The following C10orf88 variants were observed in gnomAD, a reference collection of about 807,000 sequenced individuals.
The protein encoded by C10orf88 is ATPase PAAT.
A neutral mutation model predicts 34.2 loss-of-function variants in C10orf88; 29 were observed. That is an observed-to-expected ratio of 0.85 (90% CI 0.63 to 1.16). The LOEUF (loss-of-function observed/expected upper bound fraction) is 1.16, where lower values mean the gene tolerates loss of function less well. Among genes scored for constraint, C10orf88 ranks in the 50% most tolerant of loss-of-function variants. The pLI is 0.00. For missense variants in C10orf88, 507 were observed against 533.2 expected (o/e 0.95, Z 0.48); for synonymous variants, 194 against 197.4 (o/e 0.98, Z 0.15).
intron 3 of C10orf88, among the ~76,000 whole-genome samples, chr10:122,949,144 A>G (rs1848667151): frequency 6.6e-6 from 1 of 152,190 alleles, no homozygotes; most frequent in Non-Finnish European, 1.5e-5. Context: ...ACTAAAAATA[A>G]ACTATAGTAG....
chr10:122,943,973 C>T (rs1242097898), intron 4 of C10orf88, among the ~76,000 whole-genome samples: 8 of 151,674 alleles, frequency 5.3e-5, no homozygotes. Context: ...GTGGCGATTC[C>T]TCAGGGATCT....
intron 4 of C10orf88, among the ~76,000 whole-genome samples, chr10:122,943,185 A>G (rs1248720673): frequency 1.1e-4 from 16 of 143,564 alleles, no homozygotes; most frequent in Non-Finnish European, 2.3e-4. Context: ...GATATAGATC[A>G]ATGGAACAGA....
In C10orf88 at chr10:122,947,299, CACA is replaced by C. The variant is rs144325249; in HGVS notation, c.648+1347_648+1349del. Among the ~76,000 whole-genome samples the C allele has an allele frequency of 4.4e-3, 671 of 152,244 alleles. 11 individuals are homozygous for C. The highest frequency in any genetic ancestry group is 0.015 in the African/African-American group (616 of 41,514). Reference sequence around the variant, plus strand: ...GTACTACATTAATATTTGTGAACCACACAACATCTACAAGGAGTTCTTTACTTG... The same window carrying C: ...GTACTACATTAATATTTGTGAACCACACATCTACAAGGAGTTCTTTACTTG... On this transcript the variant is annotated intron_variant, in intron 4 of 5. Transcript: ENST00000481909.
intron 4 of C10orf88, among the ~76,000 whole-genome samples, chr10:122,941,457 C>G (rs144630673): frequency 6.6e-6 from 1 of 152,214 alleles, no homozygotes; most frequent in East Asian, 1.9e-4. Context: ...AGAGAGAAGC[C>G]AAAACTTCTG....
chr10:122,932,672 A>G lies in C10orf88; in HGVS notation c.1104-11T>C. The stretch of plus-strand genomic sequence containing the variant: ...GATTGCTCTTCCATTCTAAAAATAC[A>G]TTTTTAAAAATGTGTAAATTTTCCC... On this transcript the variant is annotated splice_polypyrimidine_tract_variant and intron_variant, in intron 5 of 5. Coordinates refer to ENST00000481909, the MANE Select transcript of C10orf88 (RefSeq NM_024942.4). 6.4e-7 allele frequency: 1 copy of G among 1,550,548 alleles called. No individual in the cohort carries two copies. Among genetic ancestry groups the G allele is most frequent in the South Asian group, 1.2e-5 (1 of 86,196 alleles).
Position 122,948,739 on chromosome 10 carries a change from A to G in C10orf88, c.558T>C (p.Leu186=). ...ACTCCATTATGGTTTGGACCTTGTC[A>G]AGGTCTATCCTTGATCCTAGAGCAG... is the stretch of plus-strand genomic sequence containing the variant. The part of the protein sequence containing the change: ...SSPALGSRID[L]DKVQTIMESM... The change falls in exon 4 of 6, where the codon CTT becomes CTC. Residue 186 remains leucine, a synonymous_variant. Coordinates refer to ENST00000481909, the MANE Select transcript of C10orf88 (RefSeq NM_024942.4). The G allele has an allele frequency of 6.2e-7, 1 of 1,614,012 alleles. No homozygotes were observed. The highest frequency in any genetic ancestry group is 8.5e-7 in the Non-Finnish European group (1 of 1,179,906).
chr10:122,948,769 G>A lies in C10orf88; in HGVS notation c.528C>T (p.Ser176=), dbSNP rs1248068752. 3 of 1,613,932 alleles carry A rather than the reference G, an allele frequency of 1.9e-6. No individual in the cohort carries two copies. In the East Asian group the frequency reaches 6.7e-5, roughly 36 times the overall value. ...MRSVFANSST[S]SPALGSRIDL... ...CTATCCTTGATCCTAGAGCAGGAGA[G>A]CTTGTTGAAGAATTTGCAAAAACTG... Residue 176 remains serine (S), a synonymous_variant, in exon 4 of 6, where the codon AGC becomes AGT. Transcript: ENST00000481909.
chr10:122,949,161 TTTATCTGTGGA>T (rs1330081072), intron 3 of C10orf88, among the ~76,000 whole-genome samples: 5 of 152,200 alleles, frequency 3.3e-5, no homozygotes, highest in Non-Finnish European at 7.3e-5. Context: ...GTAGTTCCTC[TTTATCTGTGGA>T]GAATGTGTTC....
Position 122,937,895 on chromosome 10 carries a change from C to T in C10orf88, c.913G>A (p.Glu305Lys), listed in dbSNP as rs537314570. The T allele has an allele frequency of 6.2e-7, 1 of 1,613,284 alleles. No individual in the cohort carries two copies. Reference sequence around the variant, plus strand: ...GCCATTGCATTTTTAAGATCATTTTCAAGAAAGGAATGGTTTTGAGGCATA... The same window carrying T: ...GCCATTGCATTTTTAAGATCATTTTTAAGAAAGGAATGGTTTTGAGGCATA... ...KVMPQNHSFL[E>K]NDLKNAMASF... Residue 305 changes from glutamate (E) to lysine (K), a missense_variant, in exon 5 of 6, where the codon GAA (glutamate) becomes AAA (lysine). Coordinates refer to ENST00000481909, the MANE Select transcript of C10orf88 (RefSeq NM_024942.4).
rs1392235738 is a variant in C10orf88 at position 122,932,296 on chromosome 10, T to C, written c.*131A>G. On this transcript the variant is annotated 3_prime_UTR_variant, in exon 6 of 6. Coordinates refer to ENST00000481909, the MANE Select transcript of C10orf88 (RefSeq NM_024942.4). ...TAACAAGTGTAGTAAAAACGAAAAC[T>C]GAGGTCACTTTGTGTAAGACAATGA... 2.7e-6 allele frequency: 2 copies of C among 727,562 alleles called. No homozygotes were observed. The highest frequency in any genetic ancestry group is 1.8e-5 in the African/African-American group (1 of 56,126). The allele number at this position is 727,562 out of a possible 1,614,324, so 45.1% of individuals were successfully genotyped here. A position where few individuals can be genotyped will look rare whatever the true frequency, so the allele number is the denominator to read the frequency against.
At chr10:122,932,714 C>G (rs922688988) in intron 5 of C10orf88, 53 bp from the exon 6 acceptor site, 2 of 1,263,700 alleles carry the variant, frequency 1.6e-6, no homozygotes, top group Admixed American at 2.2e-5. Flanking sequence ...CAAAAACAAC[C>G]AAGCTTATAA....
intron 4 of C10orf88, among the ~76,000 whole-genome samples, chr10:122,946,432 G>A (rs535582597): frequency 9.2e-5 from 14 of 152,208 alleles, no homozygotes; most frequent in South Asian, 4.2e-4. Context: ...ATACAGGTTC[G>A]TAACCTAGGT....
Position 122,932,472 on chromosome 10 carries a change from T to C in C10orf88, c.1293A>G (p.Leu431=), listed in dbSNP as rs1488869523. Residue 431 remains leucine, a synonymous_variant, in exon 6 of 6, where the codon CTA becomes CTG. Coordinates refer to ENST00000481909, the MANE Select transcript of C10orf88 (RefSeq NM_024942.4). Reference sequence around the variant, plus strand: ...GTCTTTCTCCAGAGTCATAATGTCTTAGAGGTATCCCAGTGGGCGGGGAGT... The same window carrying C: ...GTCTTTCTCCAGAGTCATAATGTCTCAGAGGTATCCCAGTGGGCGGGGAGT... ...NPNSPPTGIP[L]RHYDSGERLS... The C allele has an allele frequency of 3.1e-6, 5 of 1,613,902 alleles. No homozygotes were observed. The highest frequency in any genetic ancestry group is 1.3e-5 in the African/African-American group (1 of 74,920).
intron 2 of C10orf88, among the ~76,000 whole-genome samples, chr10:122,952,331 G>A (rs1848697680): frequency 6.6e-6 from 1 of 152,088 alleles, no homozygotes; most frequent in African/African-American, 2.4e-5. Context: ...TTCATATTTT[G>A]TGTTAAAGAC....
Position 122,932,447 on chromosome 10 carries a change from GTCTTTC to G in C10orf88, c.1312_1317del (p.Glu438_Arg439del). ...AGAGCTTATCTTTCTCCATTTGAAA[GTCTTTC>G]TCCAGAGTCATAATGTCTTAGAGGT... is the stretch of plus-strand genomic sequence containing the variant. On this transcript the variant is annotated inframe_deletion, in exon 6 of 6. Transcript: ENST00000481909. 5.6e-6 allele frequency: 9 copies of G among 1,612,276 alleles called. No homozygotes were observed. The highest frequency in any genetic ancestry group is 7.6e-6 in the Non-Finnish European group (9 of 1,178,664).
chr10:122,945,172 A>G (rs140358703), intron 4 of C10orf88, among the ~76,000 whole-genome samples: 9 of 152,090 alleles, frequency 5.9e-5, no homozygotes, highest in African/African-American at 2.2e-4. Context: ...GTGGTCCCAT[A>G]AGATTACAAT....
intron 3 of C10orf88, among the ~76,000 whole-genome samples, chr10:122,949,550 G>A (rs1473216588): frequency 6.6e-6 from 1 of 152,232 alleles, no homozygotes; most frequent in East Asian, 1.9e-4. Flanking sequence ...CTAGACAAAA[G>A]GATGATTCAT....
At chr10:122,939,126 A>G (rs1047548331) in intron 4 of C10orf88, among the ~76,000 whole-genome samples, 1 of 152,002 alleles carries the variant, frequency 6.6e-6, no homozygotes, top group South Asian at 2.1e-4. Flanking sequence ...CCGGAACAAC[A>G]TTAATTTATT....
At chr10:122,946,929 T>C (rs892477797) in intron 4 of C10orf88, among the ~76,000 whole-genome samples, 6 of 152,086 alleles carry the variant, frequency 3.9e-5, no homozygotes, top group Middle Eastern at 3.4e-3. Context: ...CAAGGAAACA[T>C]GGCAGGAGAT....
Sources: allele counts gnomAD v4.1 joint callset (sites outside exome capture counted in the v4.1 genomes callset), GRCh38; gene constraint gnomAD v4.1.1; transcripts MANE v1.5; gene names NCBI Gene and HGNC (gene_info 2026-07-23, HGNC 2026-07-21).